The following HECW2 variants were observed in gnomAD, a reference collection of about 807,000 sequenced individuals.
The protein encoded by HECW2 is E3 ubiquitin-protein ligase HECW2.
HECW2 carries 61 observed loss-of-function variants against 175.2 expected under a neutral mutation model. That is an observed-to-expected ratio of 0.35 (90% CI 0.28 to 0.43). The LOEUF is 0.43. Ranked by LOEUF, HECW2 falls within the 20% of genes least tolerant of loss-of-function variation. HECW2 has a pLI of 1.00. For synonymous variants in HECW2, 671 were observed against 731.0 expected (o/e 0.92, Z 1.32); for missense variants, 1,524 against 2,000.5 (o/e 0.76, Z 4.54).
At chr2:196,539,038 T>G (rs1689115428) in intron 1 of HECW2, among the ~76,000 whole-genome samples, 1 of 152,216 alleles carries the variant, frequency 6.6e-6, no homozygotes, top group Admixed American at 6.5e-5. Context: ...TTTTTAGTCC[T>G]AAAAGTAAGG....
chr2:196,231,933 G>T (rs1688074012), intron 21 of HECW2, among the ~76,000 whole-genome samples: 1 of 152,206 alleles, frequency 6.6e-6, no homozygotes, highest in African/African-American at 2.4e-5. Flanking sequence ...AGCTTGCAGT[G>T]AGCAGAGATC....
chr2:196,309,662 C>T (rs936672801), intron 10 of HECW2, among the ~76,000 whole-genome samples: 2 of 152,072 alleles, frequency 1.3e-5, no homozygotes, highest in Admixed American at 6.5e-5. Flanking sequence ...AATTCAGGCA[C>T]ATAGACATCA....
At chr2:196,542,381 C>G (rs192877091) in intron 1 of HECW2, among the ~76,000 whole-genome samples, 1 of 151,594 alleles carries the variant, frequency 6.6e-6, no homozygotes, top group South Asian at 2.1e-4. Context: ...GCAAATCCAA[C>G]ACTGGAAAAC....
chr2:196,274,977 A>G (rs1689888958), intron 15 of HECW2, among the ~76,000 whole-genome samples: 1 of 152,198 alleles, frequency 6.6e-6, no homozygotes, highest in Admixed American at 6.5e-5. Context: ...GGATTTATAA[A>G]CTGGGATTTT....
intron 6 of HECW2, among the ~76,000 whole-genome samples, chr2:196,324,507 G>T (rs1692072580): frequency 3.9e-5 from 6 of 152,222 alleles, no homozygotes; most frequent in Admixed American, 3.9e-4. Context: ...ATTTGCCAAA[G>T]CCCGCAGAGA....
chr2:196,533,146 C>T (rs1466116193), intron 1 of HECW2, among the ~76,000 whole-genome samples: 1 of 152,164 alleles, frequency 6.6e-6, no homozygotes, highest in African/African-American at 2.4e-5. Flanking sequence ...TGCTTAGCTA[C>T]TATGTTTTAA....
intron 2 of HECW2, among the ~76,000 whole-genome samples, chr2:196,397,868 T>G (rs1694713159): frequency 6.6e-6 from 1 of 152,188 alleles, no homozygotes; most frequent in Non-Finnish European, 1.5e-5. Context: ...ATACCATTGC[T>G]TCATATACCC....
intron 1 of HECW2, among the ~76,000 whole-genome samples, chr2:196,466,679 T>G (rs2125338746): frequency 6.6e-6 from 1 of 152,308 alleles, no homozygotes; most frequent in Admixed American, 6.5e-5. Context: ...GAAGCAGATC[T>G]TAATTGATGA....
At chr2:196,457,349 T>C (rs887179583) in intron 1 of HECW2, among the ~76,000 whole-genome samples, 1 of 152,228 alleles carries the variant, frequency 6.6e-6, no homozygotes, top group Non-Finnish European at 1.5e-5. Context: ...TTTTCCAAGG[T>C]TGTAAGTACC....
intron 14 of HECW2, chr2:196,292,173 C>T (rs1241587696): frequency 6.2e-6 from 1 of 160,868 alleles, no homozygotes; most frequent in Non-Finnish European, 1.4e-5. Context: ...GCTTAGTGAC[C>T]TCCTAGCCAC....
intron 1 of HECW2, among the ~76,000 whole-genome samples, chr2:196,476,947 C>A (rs1279452903): frequency 0.019 from 1,112 of 57,336 alleles, no homozygotes; most frequent in South Asian, 0.024. Context: ...CCCATCTCCA[C>A]AAAAAAAAAA....
At chr2:196,291,901 T>C (rs1690616603) in intron 14 of HECW2, 1 of 152,252 alleles carries the variant, frequency 6.6e-6, no homozygotes, top group Admixed American at 6.5e-5. Flanking sequence ...GGTCACCTTA[T>C]AACAAGCACT....
chr2:196,403,190 A>G (rs1389951394), intron 2 of HECW2, among the ~76,000 whole-genome samples: 1 of 152,236 alleles, frequency 6.6e-6, no homozygotes, highest in East Asian at 1.9e-4. Flanking sequence ...ATAGGCATAG[A>G]AAGAGCAAAT....
chr2:196,400,687 A>C (rs955863705), intron 2 of HECW2, among the ~76,000 whole-genome samples: 1 of 152,060 alleles, frequency 6.6e-6, no homozygotes, highest in Non-Finnish European at 1.5e-5. Flanking sequence ...CTTACTAAAC[A>C]TCATCTTGTT....
intron 1 of HECW2, among the ~76,000 whole-genome samples, chr2:196,466,655 G>A (rs1696966890): frequency 6.6e-6 from 1 of 152,166 alleles, no homozygotes; most frequent in Non-Finnish European, 1.5e-5. Flanking sequence ...AGAGAGGAAA[G>A]GGAAGTGAGA....
At chr2:196,526,510 A>C (rs967950174) in intron 1 of HECW2, among the ~76,000 whole-genome samples, 1 of 151,878 alleles carries the variant, frequency 6.6e-6, no homozygotes, top group Non-Finnish European at 1.5e-5. Flanking sequence ...GCTTTGTTCC[A>C]TTGCTGGTGA....
At chr2:196,220,978 A>G (rs1369286671) in intron 24 of HECW2, 37 bp from the exon 25 acceptor site, 2 of 1,604,940 alleles carry the variant, frequency 1.2e-6, no homozygotes, top group Non-Finnish European at 8.5e-7. Flanking sequence ...CTACAAAGCA[A>G]TACTCTTAAT....
intron 2 of HECW2, among the ~76,000 whole-genome samples, chr2:196,382,637 CAATAT>C (rs1489902935): frequency 1.3e-5 from 2 of 152,214 alleles, no homozygotes; most frequent in Admixed American, 1.3e-4. Flanking sequence ...AGAGTCTGTA[CAATAT>C]AATAGCGGAT....
intron 15 of HECW2, among the ~76,000 whole-genome samples, chr2:196,276,694 A>G (rs190150994): frequency 4.6e-5 from 7 of 152,334 alleles, no homozygotes; most frequent in Middle Eastern, 3.4e-3. Flanking sequence ...ACAGCAAGGT[A>G]AAGATTTATT....
Sources: allele counts gnomAD v4.1 joint callset (sites outside exome capture counted in the v4.1 genomes callset), GRCh38; gene constraint gnomAD v4.1.1; transcripts MANE v1.5; gene names NCBI Gene and HGNC (gene_info 2026-07-23, HGNC 2026-07-21).